The following FFAR4 variants were observed in gnomAD, a reference collection of about 807,000 sequenced individuals.
FFAR4 encodes G-protein coupled receptor 120.
Under a neutral mutation model 27.0 loss-of-function variants are expected in FFAR4, and 19 were observed. The observed-to-expected ratio is 0.70, with a 90% confidence interval of 0.49 to 1.03. The LOEUF (loss-of-function observed/expected upper bound fraction) is 1.03. Among genes scored for constraint, FFAR4 ranks in the 50% least tolerant of loss-of-function variants. The probability of loss-of-function intolerance (pLI) is 0.00; values close to 1 mark genes in which losing one functional copy is unlikely to be tolerated. For synonymous variants in FFAR4, 254 were observed against 215.6 expected (o/e 1.18, Z -1.56); for missense variants, 476 against 479.0 (o/e 0.99, Z 0.06).
intron 1 of FFAR4, among the ~76,000 whole-genome samples, chr10:93,567,667 G>A (rs1176669699): frequency 1.3e-5 from 2 of 152,160 alleles, no homozygotes; most frequent in Non-Finnish European, 2.9e-5. Flanking sequence ...TTTCACAGAT[G>A]AGAACCAGAG....
chr10:93,585,441 TGG>T (rs909158354), intron 2 of FFAR4, among the ~76,000 whole-genome samples: 9 of 152,228 alleles, frequency 5.9e-5, no homozygotes, highest in African/African-American at 2.2e-4. Context: ...TCTTTCTTGC[TGG>T]GGCAGGGGCA....
chr10:93,578,274 G>A lies in FFAR4; in HGVS notation c.696+2055G>A, dbSNP rs534049870. ...TCTACTAATAATACAAAAATCAGCC[G>A]GGCGTAGTGGTGGGCGTCTGTAATC... On this transcript the variant is annotated intron_variant, in intron 2 of 2. Transcript: ENST00000371481. Among the ~76,000 whole-genome samples, 69 of 151,966 alleles carry A rather than the reference G, an allele frequency of 4.5e-4. 1 individual carries two copies. The highest frequency in any genetic ancestry group is 1.6e-3 in the African/African-American group (67 of 41,458).
intron 1 of FFAR4, among the ~76,000 whole-genome samples, chr10:93,574,149 C>G (rs527461365): frequency 4.2e-4 from 64 of 152,208 alleles, no homozygotes; most frequent in Non-Finnish European, 7.6e-4. Flanking sequence ...CATATACATT[C>G]TCTTCAACAC....
rs924742257 is a variant in FFAR4, at chr10:93,578,956, C to T, written c.696+2737C>T. Among the ~76,000 whole-genome samples the T allele has an allele frequency of 5.9e-5, 9 of 152,204 alleles. No homozygotes were observed. The South Asian group carries it at 6.2e-4, about 10-fold the overall frequency. On this transcript the variant is annotated intron_variant, in intron 2 of 2. Transcript: ENST00000371481. ...TCTGCCCCTTTTCACTCGTACCTCA[C>T]GCTTCTCAGCTGCCTGCTGAGGAAG...
At chr10:93,568,843 A>C (rs2134538852) in intron 1 of FFAR4, among the ~76,000 whole-genome samples, 1 of 152,260 alleles carries the variant, frequency 6.6e-6, no homozygotes, top group Non-Finnish European at 1.5e-5. Flanking sequence ...TGAATGACTA[A>C]TAGGCAGGAG....
At chr10:93,576,029 C>G in intron 1 of FFAR4, 62 bp from the exon 2 acceptor site, 1 of 1,574,244 alleles carries the variant, frequency 6.4e-7, no homozygotes, top group Non-Finnish European at 8.7e-7. Flanking sequence ...CTCAATAAGA[C>G]TGAGCCAGAG....
At chr10:93,576,675 ACT>A (rs1188869062) in intron 2 of FFAR4, among the ~76,000 whole-genome samples, 1 of 152,024 alleles carries the variant, frequency 6.6e-6, no homozygotes, top group African/African-American at 2.4e-5. Flanking sequence ...ATGAGATAAT[ACT>A]CTCTGCTCTG....
intron 1 of FFAR4, among the ~76,000 whole-genome samples, chr10:93,570,210 A>G (rs1178823737): frequency 6.6e-6 from 1 of 151,008 alleles, no homozygotes; most frequent in Non-Finnish European, 1.5e-5. Flanking sequence ...ACACACACAC[A>G]CTTTCACACC....
Position 93,576,205 on chromosome 10 carries a change from T to C in FFAR4, c.682T>C (p.Ser228Pro), listed in dbSNP as rs1422939414. The C allele has an allele frequency of 6.2e-7, 1 of 1,613,984 alleles. No homozygotes were observed. Among genetic ancestry groups the C allele is most frequent in the Non-Finnish European group, 8.5e-7 (1 of 1,179,960 alleles). ...VPGLVIVISY[S>P]KILQITKASR... The stretch of plus-strand genomic sequence containing the variant: ...AGGACTGGTCATTGTGATCAGTTAC[T>C]CCAAAATTTTACAGGTATGTTTTCT... Residue 228 changes from serine (S) to proline (P), a missense_variant, in exon 2 of 3, where the codon TCC becomes CCC. Ser to Pro is a moderately conservative substitution (Grantham distance 74). Coordinates refer to ENST00000371481, the MANE Select transcript of FFAR4 (RefSeq NM_001195755.2).
At chr10:93,579,106 C>G in intron 2 of FFAR4, 2 of 1,548,796 alleles carry the variant, frequency 1.3e-6, no homozygotes, top group Non-Finnish European at 1.8e-6. Flanking sequence ...AGTTTACTCT[C>G]GAAGCACCTT....
At chr10:93,574,806 GGA>G (rs1388887100) in intron 1 of FFAR4, among the ~76,000 whole-genome samples, 1 of 152,020 alleles carries the variant, frequency 6.6e-6, no homozygotes, top group Non-Finnish European at 1.5e-5. Flanking sequence ...AGGCGAGGCA[GGA>G]GAATCGCTTG....
intron 1 of FFAR4, 84 bp from the exon 2 acceptor site, chr10:93,576,007 T>G: frequency 7.3e-7 from 1 of 1,375,398 alleles, no homozygotes; most frequent in Non-Finnish European, 1.0e-6. Context: ...ACCGTGTAAG[T>G]GTCAGGAAAC....
chr10:93,581,454 TCAGGGTTGA>T (rs1393530522), intron 2 of FFAR4, among the ~76,000 whole-genome samples: 1 of 152,118 alleles, frequency 6.6e-6, no homozygotes, highest in African/African-American at 2.4e-5. Context: ...GACTCAACCT[TCAGGGTTGA>T]GTCCCAACTT....
At chr10:93,578,481 T>C (rs1314859765) in intron 2 of FFAR4, among the ~76,000 whole-genome samples, 6 of 151,026 alleles carry the variant, frequency 4.0e-5, no homozygotes, top group African/African-American at 1.5e-4. Context: ...CACAGAGACT[T>C]GACAGTGTTA....
At chr10:93,573,540 G>A (rs1374926230) in intron 1 of FFAR4, among the ~76,000 whole-genome samples, 1 of 152,116 alleles carries the variant, frequency 6.6e-6, no homozygotes, top group African/African-American at 2.4e-5. Context: ...ACACCAACTT[G>A]GATCTCTGTG....
In FFAR4 at chr10:93,575,132, C is replaced by T. The variant is rs188026630; in HGVS notation, c.568-959C>T. Among the ~76,000 whole-genome samples, 7 of 152,320 alleles carry T rather than the reference C, an allele frequency of 4.6e-5. No individual in the cohort carries two copies. The East Asian group carries it at 7.7e-4, about 17-fold the overall frequency. On this transcript the variant is annotated intron_variant, in intron 1 of 2. Coordinates refer to ENST00000371481, the MANE Select transcript of FFAR4 (RefSeq NM_001195755.2). Reference sequence around the variant, plus strand: ...CATTGGTTAAGATGCCTTGGCCCTTCAAAATCAATAACGTGGTCTTTTTAC... The same window carrying T: ...CATTGGTTAAGATGCCTTGGCCCTTTAAAATCAATAACGTGGTCTTTTTAC...
chr10:93,568,582 G>C (rs1665307275), intron 1 of FFAR4, among the ~76,000 whole-genome samples: 1 of 152,118 alleles, frequency 6.6e-6, no homozygotes, highest in Non-Finnish European at 1.5e-5. Context: ...TGGTTATGGA[G>C]ATGCACACAG....
At chr10:93,570,425 A>G (rs1000171727) in intron 1 of FFAR4, among the ~76,000 whole-genome samples, 1 of 150,906 alleles carries the variant, frequency 6.6e-6, no homozygotes, top group Non-Finnish European at 1.5e-5. Flanking sequence ...ACTGAGTCTC[A>G]CATTTAAAAT....
chr10:93,585,527 T>C (rs2058222016), intron 2 of FFAR4, among the ~76,000 whole-genome samples: 2 of 152,212 alleles, frequency 1.3e-5, no homozygotes, highest in South Asian at 4.1e-4. Context: ...GTCAATCTCA[T>C]AGTCAGTTCA....
Sources: allele counts gnomAD v4.1 joint callset (sites outside exome capture counted in the v4.1 genomes callset), GRCh38; gene constraint gnomAD v4.1.1; transcripts MANE v1.5; gene names NCBI Gene and HGNC (gene_info 2026-07-23, HGNC 2026-07-21).